Variants in CMTM4 observed in about 807,000 individuals in gnomAD.
The protein encoded by CMTM4 is CKLF-like MARVEL transmembrane domain-containing protein 4.
A neutral mutation model predicts 19.0 loss-of-function variants in CMTM4; 8 were observed. That is an observed-to-expected ratio of 0.42 (90% CI 0.25 to 0.76). The LOEUF is 0.76. CMTM4 is among the 30% of genes least tolerant of loss of function. The probability of loss-of-function intolerance (pLI) is 0.27; values close to 1 mark genes in which losing one functional copy is unlikely to be tolerated. For synonymous variants in CMTM4, 106 were observed against 121.1 expected (o/e 0.88, Z 0.82); for missense variants, 228 against 290.2 (o/e 0.79, Z 1.56).
At chr16:66,668,088 CA>C (rs1596948603) in intron 1 of CMTM4, among the ~76,000 whole-genome samples, 2 of 151,902 alleles carry the variant, frequency 1.3e-5, no homozygotes, top group African/African-American at 4.8e-5. Flanking sequence ...CTGAAGCCTC[CA>C]ACTGCTCAGC....
At chr16:66,664,583 A>G (rs1010730049) in intron 1 of CMTM4, among the ~76,000 whole-genome samples, 1 of 152,120 alleles carries the variant, frequency 6.6e-6, no homozygotes, top group African/African-American at 2.4e-5. Context: ...AATGTTAATT[A>G]TAAGTAAAGT....
At chr16:66,605,588 T>C in the CMTM4 span, 8,159 of 152,690 alleles carry the variant, frequency 0.053, 287 homozygotes, top group Admixed American at 0.12. This position sits in a 1 kb window ranked among gnomAD's most constrained non-coding sequence, Gnocchi z 4.6. Flanking sequence ...CGCTGGGCCG[T>C]TGGGGATGGG....
intron 1 of CMTM4, among the ~76,000 whole-genome samples, chr16:66,672,778 TTTTTG>T (rs1197039165): frequency 1.4e-5 from 2 of 142,554 alleles, no homozygotes; most frequent in African/African-American, 2.6e-5. Flanking sequence ...CCCAGCTAGT[TTTTTG>T]TTTTGTTTTT....
chr16:66,657,085 A>ATTT (rs35197723), intron 1 of CMTM4, among the ~76,000 whole-genome samples: 145 of 139,172 alleles, frequency 1.0e-3, no homozygotes, highest in South Asian at 9.0e-3. Flanking sequence ...TAATTTCCTG[A>ATTT]TTTTTTTTTT....
At chr16:66,679,465 T>C (rs915326219) in intron 1 of CMTM4, among the ~76,000 whole-genome samples, 4 of 152,104 alleles carry the variant, frequency 2.6e-5, no homozygotes, top group Non-Finnish European at 5.9e-5. Context: ...CTCTTGAGGC[T>C]GGAGACCCCC....
chr16:66,635,927 G>A (rs1489459560), intron 2 of CMTM4, among the ~76,000 whole-genome samples: 1 of 152,016 alleles, frequency 6.6e-6, no homozygotes. Flanking sequence ...AAGACTTTCT[G>A]ATCAAACCAC....
rs566809046 is a variant in CMTM4, at chr16:66,647,256, G to A, written c.187-10675C>T. On this transcript the variant is annotated intron_variant, in intron 1 of 3. Coordinates refer to ENST00000394106, the MANE Select transcript of CMTM4 (RefSeq NM_181521.3). The stretch of plus-strand genomic sequence containing the variant: ...GGAGAATCGCTTGAAATGGGGAGGC[G>A]GAGGTTACAGTGAGCCGAGATCATG... Among the ~76,000 whole-genome samples the A allele has an allele frequency of 9.3e-5, 14 of 150,544 alleles. No individual in the cohort carries two copies. The East Asian group carries it at 1.8e-3, about 19-fold the overall frequency.
At chr16:66,609,851 C>T (rs568619271), downstream of CMTM4, 66 of 1,614,168 alleles carry the variant, frequency 4.1e-5, 1 homozygote, top group South Asian at 4.9e-4. This position sits in a 1 kb window ranked among gnomAD's most constrained non-coding sequence, Gnocchi z 4.4. Flanking sequence ...GGGAGTCAGC[C>T]CTGTGATGCA....
At chr16:66,610,916 C>T (rs2015352355), downstream of CMTM4, 1 of 398,620 alleles carries the variant, frequency 2.5e-6, no homozygotes. This position sits in a 1 kb window ranked among gnomAD's most constrained non-coding sequence, Gnocchi z 4.6. Context: ...ATGAATGCCA[C>T]TCATCCCATC....
At chr16:66,690,559 G>A (rs527348802) in intron 1 of CMTM4, among the ~76,000 whole-genome samples, 2 of 152,270 alleles carry the variant, frequency 1.3e-5, no homozygotes, top group African/African-American at 4.8e-5. Context: ...CAGGGATTGT[G>A]CTGACTGGCT....
At chr16:66,605,039 G>A in the CMTM4 span, 4 of 1,229,160 alleles carry the variant, frequency 3.3e-6, no homozygotes, top group Non-Finnish European at 4.2e-6. This position sits in a 1 kb window ranked among gnomAD's most constrained non-coding sequence, Gnocchi z 4.6. Context: ...GGGGTCCGGG[G>A]GCGGCCGCCG....
At chr16:66,632,569 C>T (rs1223038482) in intron 2 of CMTM4, among the ~76,000 whole-genome samples, 2 of 152,146 alleles carry the variant, frequency 1.3e-5, no homozygotes, top group African/African-American at 4.8e-5. Flanking sequence ...AAGGCAAGTG[C>T]AGACCTCCTC....
chr16:66,608,521 A>G, the CMTM4 span: 3 of 1,572,778 alleles, frequency 1.9e-6, no homozygotes, highest in East Asian at 6.7e-5. This position sits in a 1 kb window ranked among gnomAD's most constrained non-coding sequence, Gnocchi z 5.1. Flanking sequence ...CCAGATGAGG[A>G]GTCCAGAGTC....
intron 1 of CMTM4, among the ~76,000 whole-genome samples, chr16:66,662,143 A>G (rs947588672): frequency 1.3e-5 from 2 of 152,204 alleles, no homozygotes; most frequent in Non-Finnish European, 2.9e-5. Context: ...TTGGAATTCC[A>G]GTTCCAGTTA....
At chr16:66,601,379 A>G in the CMTM4 span, among the ~76,000 whole-genome samples, 2 of 152,158 alleles carry the variant, frequency 1.3e-5, no homozygotes, top group African/African-American at 4.8e-5. Flanking sequence ...TTGAGTGTTC[A>G]GCTCTCAGCA....
chr16:66,620,825 C>G lies in CMTM4; in HGVS notation c.*1233G>C, dbSNP rs2015617782. On this transcript the variant is annotated 3_prime_UTR_variant, in exon 4 of 4. Transcript: ENST00000394106. Reference sequence around the variant, plus strand: ...TTTTTCCATAAAAGATATAATTACTCTCTAATTTTTTAAAAAAACTACTGC... The same window carrying G: ...TTTTTCCATAAAAGATATAATTACTGTCTAATTTTTTAAAAAAACTACTGC... 3.0e-6 allele frequency: 3 copies of G among 985,152 alleles called. No individual in the cohort carries two copies. In the South Asian group the frequency reaches 1.4e-4, roughly 46 times the overall value. 61.0% of individuals were successfully genotyped at this position (985,152 alleles called of 1,614,324 possible). A position where few individuals can be genotyped will look rare whatever the true frequency, so the allele number is the denominator to read the frequency against.
intron 1 of CMTM4, among the ~76,000 whole-genome samples, chr16:66,647,323 CA>C (rs58483961): frequency 0.056 from 3,481 of 62,486 alleles, 68 homozygotes; most frequent in African/African-American, 0.15. Flanking sequence ...GACTCTGTCT[CA>C]AAAAAAAAAA....
intron 1 of CMTM4, among the ~76,000 whole-genome samples, chr16:66,663,202 A>G (rs2016528954): frequency 6.6e-6 from 1 of 152,102 alleles, no homozygotes; most frequent in Non-Finnish European, 1.5e-5. Context: ...ATAATAAACA[A>G]ATGTCCACGA....
chr16:66,600,943 TG>T, the CMTM4 span, among the ~76,000 whole-genome samples: 2 of 152,250 alleles, frequency 1.3e-5, no homozygotes, highest in East Asian at 3.9e-4. Flanking sequence ...GCATGGACAA[TG>T]GCTCTGTGGC....
Sources: allele counts gnomAD v4.1 joint callset (sites outside exome capture counted in the v4.1 genomes callset), GRCh38; gene constraint gnomAD v4.1.1; non-coding constraint Gnocchi (gnomAD v3.1); transcripts MANE v1.5; gene names NCBI Gene and HGNC (gene_info 2026-07-23, HGNC 2026-07-21).